OXR1: variants seen among roughly 807,000 people sequenced by gnomAD.
The protein encoded by OXR1 is oxidation resistance protein 1.
OXR1 carries 41 observed loss-of-function variants against 104.6 expected under a neutral mutation model. The ratio of observed to expected loss-of-function variants is 0.39; its 90% CI spans 0.31 to 0.51. OXR1 has a LOEUF of 0.51. Ranked by LOEUF, OXR1 falls within the 20% of genes least tolerant of loss-of-function variation. OXR1 has a pLI of 0.77. For missense variants in OXR1, 955 were observed against 1,031.9 expected, an observed-to-expected ratio of 0.93 and a Z score of 1.02; for synonymous variants, 348 against 348.4, an observed-to-expected ratio of 1.00 and a Z score of 0.01.
chr8:106,657,934 G>A (rs961357226), intron 3 of OXR1: 27 of 1,247,342 alleles, frequency 2.2e-5, no homozygotes, highest in Non-Finnish European at 1.0e-5. Flanking sequence ...GGCCGCCACC[G>A]CCGAAACCGT....
intron 11 of OXR1, among the ~76,000 whole-genome samples, chr8:106,727,995 T>G (rs906624555): frequency 2.6e-4 from 39 of 152,268 alleles, no homozygotes; most frequent in Non-Finnish European, 4.0e-4. Flanking sequence ...CTTTGAAGTT[T>G]TTCTGAAATA....
At chr8:106,563,195 AC>A (rs1242981819) in intron 3 of OXR1, among the ~76,000 whole-genome samples, 1 of 151,728 alleles carries the variant, frequency 6.6e-6, no homozygotes, top group Non-Finnish European at 1.5e-5. Flanking sequence ...TAGAATCAAG[AC>A]CCATTGGTGT....
At chr8:106,589,856 G>A (rs970206686) in intron 3 of OXR1, among the ~76,000 whole-genome samples, 18 of 152,042 alleles carry the variant, frequency 1.2e-4, no homozygotes, top group Admixed American at 9.2e-4. Context: ...TAGTAGAGTC[G>A]GCATTTCTCC....
At chr8:106,552,970 T>C (rs1815968903) in intron 3 of OXR1, among the ~76,000 whole-genome samples, 1 of 152,198 alleles carries the variant, frequency 6.6e-6, no homozygotes. Context: ...TGTTTTATTC[T>C]CCTTCTCTTT....
chr8:106,633,566 T>A (rs1822884829), intron 3 of OXR1, among the ~76,000 whole-genome samples: 1 of 152,204 alleles, frequency 6.6e-6, no homozygotes, highest in South Asian at 2.1e-4. Flanking sequence ...GACCAAAGTG[T>A]AGAACAATGT....
At chr8:106,680,643 G>C (rs187395201) in intron 4 of OXR1, among the ~76,000 whole-genome samples, 1 of 152,046 alleles carries the variant, frequency 6.6e-6, no homozygotes, top group Non-Finnish European at 1.5e-5. Flanking sequence ...CAATGTGAGT[G>C]GTCCCTTGTT....
chr8:106,621,707 A>G (rs1045607493), intron 3 of OXR1, among the ~76,000 whole-genome samples: 1 of 152,224 alleles, frequency 6.6e-6, no homozygotes, highest in Non-Finnish European at 1.5e-5. Context: ...AGGCAAGAAT[A>G]AAGAAAAGAA....
intron 3 of OXR1, among the ~76,000 whole-genome samples, chr8:106,667,255 A>T (rs1477064929): frequency 1.3e-5 from 2 of 152,208 alleles, no homozygotes; most frequent in African/African-American, 4.8e-5. Flanking sequence ...CGGAATTCTA[A>T]TATGTAACTA....
chr8:106,576,963 A>G (rs538742349), intron 3 of OXR1, among the ~76,000 whole-genome samples: 83 of 152,228 alleles, frequency 5.5e-4, no homozygotes, highest in South Asian at 3.9e-3. Context: ...CTTAATTCGA[A>G]CTTTTTTGTT....
intron 7 of OXR1, among the ~76,000 whole-genome samples, chr8:106,696,209 T>G (rs1830015280): frequency 6.6e-6 from 1 of 152,170 alleles, no homozygotes; most frequent in Non-Finnish European, 1.5e-5. Flanking sequence ...GTCATATAGT[T>G]GGAATCATAG....
At chr8:106,408,446 C>G (rs1371753886) in intron 2 of OXR1, among the ~76,000 whole-genome samples, 1 of 152,084 alleles carries the variant, frequency 6.6e-6, no homozygotes, top group East Asian at 1.9e-4. Context: ...AGTTCACTTA[C>G]TTTGTAAGGA....
chr8:106,744,834 A>G (rs1431182117), intron 15 of OXR1, among the ~76,000 whole-genome samples: 1 of 152,206 alleles, frequency 6.6e-6, no homozygotes, highest in Non-Finnish European at 1.5e-5. Flanking sequence ...TATAAAAATA[A>G]ATGAAGAAAA....
intron 2 of OXR1, among the ~76,000 whole-genome samples, chr8:106,512,591 G>C (rs982380047): frequency 6.6e-6 from 1 of 152,090 alleles, no homozygotes; most frequent in Non-Finnish European, 1.5e-5. Context: ...ACTTTTTTAT[G>C]CGTTTCAGTC....
chr8:106,671,793 G>A (rs1335013373), intron 3 of OXR1, among the ~76,000 whole-genome samples: 1 of 127,924 alleles, frequency 7.8e-6, no homozygotes, highest in African/African-American at 3.0e-5. Context: ...ACAGGAAGGG[G>A]AACATCACAC....
At chr8:106,739,658 T>C in intron 13 of OXR1, 75 bp downstream of exon 13, 1 of 1,448,198 alleles carries the variant, frequency 6.9e-7, no homozygotes, top group Non-Finnish European at 9.5e-7. Flanking sequence ...TCTTTTTAGT[T>C]GTTTCTGAAG....
chr8:106,450,536 A>G (rs951913899), intron 2 of OXR1, among the ~76,000 whole-genome samples: 1 of 152,186 alleles, frequency 6.6e-6, no homozygotes, highest in South Asian at 2.1e-4. Context: ...CTCTGAAATC[A>G]ACACATTGCC....
intron 3 of OXR1, among the ~76,000 whole-genome samples, chr8:106,522,160 T>C (rs1019413867): frequency 1.3e-5 from 2 of 152,292 alleles, no homozygotes; most frequent in South Asian, 4.1e-4. Context: ...CTGCAGTGGC[T>C]TTTCTAGAAT....
chr8:106,450,764 CTT>C (rs10668587), intron 2 of OXR1, among the ~76,000 whole-genome samples: 14 of 146,052 alleles, frequency 9.6e-5, no homozygotes, highest in African/African-American at 3.2e-4. Flanking sequence ...AAAGAGGGTG[CTT>C]TTTTTTTTTT....
chr8:106,293,965 A>ATTTTTTTTTTTTTTTTTTTTTTTTTTTT, intron 1 of OXR1, among the ~76,000 whole-genome samples: 1 of 124,348 alleles, frequency 8.0e-6, no homozygotes. Context: ...TGACAGTTTA[A>ATTTTTTTTTTTTTTTTTTTTTTTTTTTT]TTTTTTTTTT....
Sources: allele counts gnomAD v4.1 joint callset (sites outside exome capture counted in the v4.1 genomes callset), GRCh38; gene constraint gnomAD v4.1.1; transcripts MANE v1.5; gene names NCBI Gene and HGNC (gene_info 2026-07-23, HGNC 2026-07-21).